KLF13: variants seen among roughly 807,000 people sequenced by gnomAD.
The protein encoded by KLF13 is KLF transcription factor 13, also known as Krueppel-like factor 13.
KLF13 carries 8 observed loss-of-function variants against 16.7 expected under a neutral mutation model. That is an observed-to-expected ratio of 0.48 (90% CI 0.28 to 0.87). KLF13 has a LOEUF of 0.87. Among genes scored for constraint, KLF13 ranks in the 40% least tolerant of loss-of-function variants. KLF13 has a pLI of 0.10. For missense variants in KLF13, 447 were observed against 452.2 expected (o/e 0.99, Z 0.10); for synonymous variants, 245 against 208.4 (o/e 1.18, Z -1.51).
upstream of KLF13, among the ~76,000 whole-genome samples, chr15:31,389,440 A>G (rs2039833126): frequency 6.6e-6 from 1 of 152,176 alleles, no homozygotes; most frequent in Non-Finnish European, 1.5e-5. Flanking sequence ...CCCAACCCCT[A>G]TGTTGTTCAA....
Position 31,372,994 on chromosome 15 carries a change from C to T in KLF13, c.*695C>T, listed in dbSNP as rs1444909630. ...GCCTCACACCCCGCCTTCAGGAGCC[C>T]TCTCCTACGGCGCTAGGGAGCACTG... On this transcript the variant is annotated 3_prime_UTR_variant, in exon 2 of 2. Coordinates refer to ENST00000307145, the MANE Select transcript of KLF13 (RefSeq NM_015995.4). 1 of 152,620 alleles carries T rather than the reference C, an allele frequency of 6.6e-6. No individual in the cohort carries two copies. Among genetic ancestry groups the T allele is most frequent in the Non-Finnish European group, 1.5e-5 (1 of 68,342 alleles). 9.5% of individuals were successfully genotyped at this position (152,620 alleles called of 1,614,324 possible).
At chr15:31,384,581 T>C (rs2039771935) in intron 1 of KLF13, among the ~76,000 whole-genome samples, 2 of 152,320 alleles carry the variant, frequency 1.3e-5, no homozygotes, top group Admixed American at 6.5e-5. Flanking sequence ...AAACTCACAA[T>C]AGCACTTTTG....
At chr15:31,400,257 C>T (rs886641459) in intron 2 of KLF13, among the ~76,000 whole-genome samples, 2 of 152,208 alleles carry the variant, frequency 1.3e-5, no homozygotes, top group Non-Finnish European at 2.9e-5. Context: ...GACAGGAAAG[C>T]CCTGCCTTCA....
At chr15:31,420,249 C>A (rs1401796413) in intron 1 of KLF13, 1 of 684,090 alleles carries the variant, frequency 1.5e-6, no homozygotes, top group Non-Finnish European at 2.7e-6. Context: ...GAGCTGATGA[C>A]CCTCATGATA....
chr15:31,369,718 A>G (rs905551946), intron 1 of KLF13, among the ~76,000 whole-genome samples: 9 of 152,148 alleles, frequency 5.9e-5, no homozygotes, highest in East Asian at 1.9e-4. Flanking sequence ...TTGTCATGCA[A>G]TGGCCCTTTA....
At chr15:31,434,027 GGA>G (rs2040501915) in intron 1 of KLF13, among the ~76,000 whole-genome samples, 2 of 152,030 alleles carry the variant, frequency 1.3e-5, no homozygotes, top group South Asian at 4.1e-4. Context: ...AAGAGAAGAT[GGA>G]GAGAGAACAG....
At chr15:31,386,660 A>G (rs533386351) in intron 1 of KLF13, among the ~76,000 whole-genome samples, 1 of 152,350 alleles carries the variant, frequency 6.6e-6, no homozygotes, top group South Asian at 2.1e-4. Flanking sequence ...TTCAATGTAA[A>G]TGAAACTGAC....
intron 2 of KLF13, among the ~76,000 whole-genome samples, chr15:31,399,936 C>T (rs1252756892): frequency 6.6e-6 from 1 of 152,244 alleles, no homozygotes; most frequent in African/African-American, 2.4e-5. Context: ...AGTGGCTCTT[C>T]AAAGCTTTAG....
At chr15:31,380,224 A>G (rs1473828263), downstream of KLF13, among the ~76,000 whole-genome samples, 1 of 152,162 alleles carries the variant, frequency 6.6e-6, no homozygotes, top group Non-Finnish European at 1.5e-5. Flanking sequence ...CCCGGGAGGC[A>G]GAGGTTGCAG....
At chr15:31,335,922 G>C (rs1337597650) in intron 1 of KLF13, among the ~76,000 whole-genome samples, 1 of 152,246 alleles carries the variant, frequency 6.6e-6, no homozygotes, top group African/African-American at 2.4e-5. Flanking sequence ...TTACCAAAGA[G>C]CATGTGGCTC....
At chr15:31,362,224 CTT>C (rs1255306522) in intron 1 of KLF13, among the ~76,000 whole-genome samples, 1 of 152,172 alleles carries the variant, frequency 6.6e-6, no homozygotes, top group African/African-American at 2.4e-5. Context: ...CACCCATAGC[CTT>C]TTAGGTCTGA....
chr15:31,433,882 G>A (rs973299696), intron 1 of KLF13, among the ~76,000 whole-genome samples: 1 of 152,226 alleles, frequency 6.6e-6, no homozygotes, highest in Non-Finnish European at 1.5e-5. Context: ...CCTGCAAAAG[G>A]TGTGGTTTGC....
chr15:31,352,147 C>T (rs1443484036), intron 1 of KLF13, among the ~76,000 whole-genome samples: 1 of 152,160 alleles, frequency 6.6e-6, no homozygotes, highest in East Asian at 1.9e-4. Context: ...ACAGAGGGGT[C>T]GCCACGCTGC....
At chr15:31,412,057 T>A (rs1404920757) in intron 1 of KLF13, among the ~76,000 whole-genome samples, 1 of 152,182 alleles carries the variant, frequency 6.6e-6, no homozygotes, top group Non-Finnish European at 1.5e-5. Flanking sequence ...AATTCCCCAA[T>A]GTAATTATGT....
At chr15:31,342,725 T>C (rs1308358436) in intron 1 of KLF13, among the ~76,000 whole-genome samples, 1 of 152,222 alleles carries the variant, frequency 6.6e-6, no homozygotes, top group African/African-American at 2.4e-5. Context: ...TTTCTTTCTT[T>C]TTTGGGGCAG....
At chr15:31,383,979 G>C (rs1454905665) in intron 1 of KLF13, among the ~76,000 whole-genome samples, 1 of 152,100 alleles carries the variant, frequency 6.6e-6, no homozygotes, top group Non-Finnish European at 1.5e-5. Context: ...CCAGGAATAG[G>C]AGATTAATTC....
At chr15:31,370,830 TC>T (rs1376322267) in intron 1 of KLF13, among the ~76,000 whole-genome samples, 2 of 152,248 alleles carry the variant, frequency 1.3e-5, no homozygotes, top group African/African-American at 2.4e-5. Context: ...AATTTTCTTC[TC>T]TTTCCTGGCT....
chr15:31,396,586 C>T (rs780077194), intron 2 of KLF13, among the ~76,000 whole-genome samples: 1 of 152,186 alleles, frequency 6.6e-6, no homozygotes, highest in South Asian at 2.1e-4. Flanking sequence ...TTTGGGGCCA[C>T]AAGATCAGAT....
At chr15:31,418,755 A>G (rs1288088196) in intron 1 of KLF13, among the ~76,000 whole-genome samples, 1 of 152,212 alleles carries the variant, frequency 6.6e-6, no homozygotes, top group Non-Finnish European at 1.5e-5. Flanking sequence ...AGCAGGATTT[A>G]TGTATCAGTC....
Sources: allele counts gnomAD v4.1 joint callset (sites outside exome capture counted in the v4.1 genomes callset), GRCh38; gene constraint gnomAD v4.1.1; transcripts MANE v1.5; gene names NCBI Gene and HGNC (gene_info 2026-07-23, HGNC 2026-07-21).